GRHL1: variants seen among roughly 807,000 people sequenced by gnomAD.
GRHL1 encodes the protein grainyhead-like protein 1 homolog.
In GRHL1, 38 loss-of-function variants were observed where a neutral mutation model predicts 75.7. The ratio of observed to expected loss-of-function variants is 0.50; its 90% CI spans 0.39 to 0.66. The LOEUF is 0.66. Ranked by LOEUF, GRHL1 falls within the 30% of genes least tolerant of loss-of-function variation. The pLI is 0.00. For synonymous variants in GRHL1, 266 were observed against 279.4 expected (o/e 0.95, Z 0.48); for missense variants, 589 against 767.5 (o/e 0.77, Z 2.75).
chr2:9,952,804 CTTAG>C (rs141313862), intron 1 of GRHL1: 31,807 of 278,300 alleles, frequency 0.11, 2,198 homozygotes, highest in African/African-American at 0.21. Flanking sequence ...CTCCCAGTTT[CTTAG>C]TTATTTGTGA....
Position 9,990,643 on chromosome 2 carries a change from T to G in GRHL1, c.1270-53T>G, listed in dbSNP as rs1668598605. 1 of 1,193,356 alleles carries G rather than the reference T, an allele frequency of 8.4e-7. No homozygotes were observed. Among genetic ancestry groups the G allele is most frequent in the Non-Finnish European group, 1.2e-6 (1 of 830,374 alleles). The allele number at this position is 1,193,356 out of a possible 1,614,324, so 73.9% of individuals were successfully genotyped here. On this transcript the variant is annotated intron_variant, in intron 9 of 15. Transcript: ENST00000324907. The surrounding 1 kb of genome is among the most constrained non-coding windows in gnomAD (Gnocchi z 4.2). ...CATTGGTCAGGATAAGAGTTAAATA[T>G]TTTAAAGAAGATTGGAAAACAGAAT...
chr2:9,972,100 A>T (rs1004660231), intron 8 of GRHL1, among the ~76,000 whole-genome samples: 3 of 151,796 alleles, frequency 2.0e-5, no homozygotes, highest in Non-Finnish European at 4.4e-5. Flanking sequence ...AGAAAGCTTT[A>T]GTTTGGTAGT....
chr2:9,963,716 C>G (rs949236704), intron 5 of GRHL1, among the ~76,000 whole-genome samples, 170 bp from the exon 6 acceptor site: 1 of 152,168 alleles, frequency 6.6e-6, no homozygotes, highest in African/African-American at 2.4e-5. Context: ...AATTTTTAAT[C>G]GGCAATTTGT....
Position 10,001,783 on chromosome 2 carries a change from C to T in GRHL1, c.*1076C>T, listed in dbSNP as rs1669278053. 1 of 152,300 alleles carries T rather than the reference C, an allele frequency of 6.6e-6. No individual in the cohort carries two copies. Among genetic ancestry groups the T allele is most frequent in the African/African-American group, 2.4e-5 (1 of 41,466 alleles). The allele number at this position is 152,300 out of a possible 1,614,324, so 9.4% of individuals were successfully genotyped here. The stretch of plus-strand genomic sequence containing the variant: ...GAGTGAAGAAACACTGTAATTACAG[C>T]ACACAGATTGCAAGTATTGCGTACC... On this transcript the variant is annotated 3_prime_UTR_variant, in exon 16 of 16. Transcript: ENST00000324907.
chr2:9,971,029 G>A (rs1230708216), intron 8 of GRHL1, among the ~76,000 whole-genome samples: 1 of 152,122 alleles, frequency 6.6e-6, no homozygotes, highest in Non-Finnish European at 1.5e-5. Flanking sequence ...AGTCCATTCT[G>A]TAAAAGAGGG....
Position 9,951,697 on chromosome 2 carries a change from C to T in GRHL1, c.-137C>T. The T allele has an allele frequency of 3.9e-6, 3 of 762,652 alleles. No homozygotes were observed. The highest frequency in any genetic ancestry group is 6.0e-6 in the Non-Finnish European group (3 of 495,926). 47.2% of individuals were successfully genotyped at this position (762,652 alleles called of 1,614,324 possible). A position where few individuals can be genotyped will look rare whatever the true frequency, so the allele number is the denominator to read the frequency against. Reference sequence around the variant, plus strand: ...CAGCCCGCGCGGAGCCGGCTCAGAGCGAGAAAAGCAAACCCAACCCGTCGG... The same window carrying T: ...CAGCCCGCGCGGAGCCGGCTCAGAGTGAGAAAAGCAAACCCAACCCGTCGG... On this transcript the variant is annotated 5_prime_UTR_variant, in exon 1 of 16. Coordinates refer to ENST00000324907, the MANE Select transcript of GRHL1 (RefSeq NM_198182.3). The surrounding 1 kb of genome is among the most constrained non-coding windows in gnomAD (Gnocchi z 4.2).
chr2:9,996,881 G>A (rs6733635), intron 14 of GRHL1, among the ~76,000 whole-genome samples: 58,347 of 151,980 alleles, frequency 0.38, 11,485 homozygotes, highest in Admixed American at 0.47. Flanking sequence ...TCCATCTTAC[G>A]AGGATCTCAG....
At chr2:9,993,115 A>T in intron 11 of GRHL1, 92 bp from the exon 12 acceptor site, 1 of 959,782 alleles carries the variant, frequency 1.0e-6, no homozygotes, top group East Asian at 2.4e-5. Context: ...AGATTGGTGA[A>T]ATTCAAAATT....
At chr2:9,994,756 C>T (rs1434134982) in intron 12 of GRHL1, among the ~76,000 whole-genome samples, 3 of 152,172 alleles carry the variant, frequency 2.0e-5, no homozygotes, top group Non-Finnish European at 4.4e-5. Flanking sequence ...AGTTATCTAC[C>T]TCTTCTCTTG....
rs1031894088 is a variant in GRHL1, at chr2:9,958,773, G to T, written c.208-13G>T. The T allele has an allele frequency of 1.9e-6, 3 of 1,606,616 alleles. No homozygotes were observed. Among genetic ancestry groups the T allele is most frequent in the Admixed American group, 1.7e-5 (1 of 59,980 alleles). On this transcript the variant is annotated splice_polypyrimidine_tract_variant and intron_variant, in intron 2 of 15. Transcript: ENST00000324907. ...GATAAGAGCTAAATTCTTTTCATGT[G>T]TGCTAATATCAGGTTCCAAGAGAGA...
intron 8 of GRHL1, among the ~76,000 whole-genome samples, chr2:9,979,169 G>GAAAAAAAAAAAAAAAAAAAAAAAAA (rs1313941842): frequency 9.2e-4 from 69 of 74,834 alleles, no homozygotes; most frequent in Admixed American, 1.2e-3. Flanking sequence ...AAAAAAAAAG[G>GAAAAAAAAAAAAAAAAAAAAAAAAA]AAACCTTATC....
rs1558294509 is a variant in GRHL1 at position 9,963,919 on chromosome 2, A to G, written c.780A>G (p.Lys260=). 6.2e-7 allele frequency: 1 copy of G among 1,614,004 alleles called. No individual in the cohort carries two copies. Among genetic ancestry groups the G allele is most frequent in the South Asian group, 1.1e-5 (1 of 91,074 alleles). ...TTGAATATACCCTAGAAGCTTCAAA[A>G]TCACTTCGACAGAAGCCAGGAGACA... ...NNFEYTLEAS[K]SLRQKPGDST... Residue 260 remains lysine (K), a synonymous_variant, in exon 6 of 16, where the codon AAA becomes AAG. Transcript: ENST00000324907.
Position 9,968,112 on chromosome 2 carries a change from C to T in GRHL1, c.1110+2731C>T, listed in dbSNP as rs904264199. Among the ~76,000 whole-genome samples the T allele has an allele frequency of 1.3e-5, 2 of 152,122 alleles. No individual in the cohort carries two copies. Among genetic ancestry groups the T allele is most frequent in the Non-Finnish European group, 2.9e-5 (2 of 68,032 alleles). ...ATCTTACCTGTAGCTTCTGCTTCTC[C>T]GTTTGGAAATGATGATAGTTTGAGG... On this transcript the variant is annotated intron_variant, in intron 8 of 15. Transcript: ENST00000324907. The surrounding 1 kb of genome is among the most constrained non-coding windows in gnomAD (Gnocchi z 4.7).
At chr2:9,983,163 G>A (rs908069553) in intron 8 of GRHL1, among the ~76,000 whole-genome samples, 4 of 151,928 alleles carry the variant, frequency 2.6e-5, no homozygotes, top group African/African-American at 9.7e-5. Context: ...TAAGAGCAGG[G>A]GCATCGTGAG....
intron 8 of GRHL1, among the ~76,000 whole-genome samples, chr2:9,969,073 T>C (rs919396223): frequency 6.6e-6 from 1 of 152,232 alleles, no homozygotes; most frequent in African/African-American, 2.4e-5. Flanking sequence ...TAGAATAGGC[T>C]GAACTGAATG....
At chr2:9,972,363 C>T (rs1486668105) in intron 8 of GRHL1, among the ~76,000 whole-genome samples, 3 of 151,934 alleles carry the variant, frequency 2.0e-5, no homozygotes, top group African/African-American at 4.8e-5. Context: ...ACTGTCTTTT[C>T]GACCAGTTTT....
chr2:9,961,258 A>G lies in GRHL1; in HGVS notation c.491A>G (p.His164Arg). The change falls in exon 4 of 16, where the codon CAT becomes CGT. Residue 164 changes from histidine (H) to arginine (R), a missense_variant. Coordinates refer to ENST00000324907, the MANE Select transcript of GRHL1 (RefSeq NM_198182.3). ...TCCATCAAGACAGAAACCCAGCCAC[A>G]TGGCTTCGCTGTGGGAATCCCCCCA... is the stretch of plus-strand genomic sequence containing the variant. ...THSIKTETQP[H>R]GFAVGIPPAV... is the part of the protein sequence containing the mutation. 1.2e-6 allele frequency: 2 copies of G among 1,614,156 alleles called. No individual in the cohort carries two copies. Among genetic ancestry groups the G allele is most frequent in the East Asian group, 4.5e-5 (2 of 44,882 alleles).
In GRHL1 at chr2:9,996,869, A is replaced by T. The variant is rs1572393124; in HGVS notation, c.1677+468A>T. 2.0e-5 allele frequency among the ~76,000 whole-genome samples: 3 copies of T among 152,330 alleles called. 1 individual carries two copies. The highest frequency in any genetic ancestry group is 2.0e-4 in the Admixed American group (3 of 15,300). On this transcript the variant is annotated intron_variant, in intron 14 of 15. Coordinates refer to ENST00000324907, the MANE Select transcript of GRHL1 (RefSeq NM_198182.3). Reference sequence around the variant, plus strand: ...AGACGTGTAACCAGTGATGGCCGTAAGTCCATCTTACGAGGATCTCAGCAC... The same window carrying T: ...AGACGTGTAACCAGTGATGGCCGTATGTCCATCTTACGAGGATCTCAGCAC...
chr2:9,978,780 C>T (rs1309563816), intron 8 of GRHL1, among the ~76,000 whole-genome samples: 1 of 152,120 alleles, frequency 6.6e-6, no homozygotes, highest in Non-Finnish European at 1.5e-5. Context: ...CACCTGAGGT[C>T]AGGAGTTTGA....
Sources: gnomAD v4.1 joint callset for allele counts (sites outside exome capture counted in the v4.1 genomes callset) on GRCh38, gnomAD v4.1.1 for gene constraint, Gnocchi (gnomAD v3.1) non-coding constraint, MANE v1.5 for transcripts, NCBI Gene and HGNC (gene_info 2026-07-23, HGNC 2026-07-21) for gene names.